Variants in ARHGEF33 observed in about 807,000 individuals in gnomAD.
ARHGEF33 encodes Rho guanine nucleotide exchange factor 33.
In ARHGEF33, 72 loss-of-function variants were observed where a neutral mutation model predicts 101.9. The ratio of observed to expected loss-of-function variants is 0.71; its 90% CI spans 0.58 to 0.86. The LOEUF is 0.86. ARHGEF33 is among the 40% of genes least tolerant of loss of function. ARHGEF33 has a pLI of 0.00. For synonymous variants in ARHGEF33, 499 were observed against 442.5 expected, an observed-to-expected ratio of 1.13 and a Z score of -1.60; for missense variants, 1,169 against 1,111.3, an observed-to-expected ratio of 1.05 and a Z score of -0.74.
At chr2:38,920,527 C>A (rs867743401) in intron 3 of ARHGEF33, among the ~76,000 whole-genome samples, 5 of 151,728 alleles carry the variant, frequency 3.3e-5, no homozygotes, top group South Asian at 4.2e-4. Flanking sequence ...CCTGCCTCAG[C>A]CTCCTGACTA....
At chr2:38,964,248 C>G (rs1050704095) in intron 16 of ARHGEF33, among the ~76,000 whole-genome samples, 6 of 152,044 alleles carry the variant, frequency 3.9e-5, no homozygotes, top group Non-Finnish European at 7.4e-5. Flanking sequence ...TGACTTTAAT[C>G]CAGAACGTAT....
At chr2:38,954,853 T>TG (rs990878237) in intron 13 of ARHGEF33, among the ~76,000 whole-genome samples, 16 of 152,158 alleles carry the variant, frequency 1.1e-4, no homozygotes, top group African/African-American at 3.9e-4. Flanking sequence ...AGGCTGGTCT[T>TG]GAACTCCTGA....
intron 2 of ARHGEF33, among the ~76,000 whole-genome samples, chr2:38,907,007 G>T (rs945788601): frequency 6.6e-6 from 1 of 152,044 alleles, no homozygotes; most frequent in Non-Finnish European, 1.5e-5. Flanking sequence ...CAATTGAGGA[G>T]AATGGCCAAA....
At chr2:38,959,656 C>T in intron 15 of ARHGEF33, 185 bp from the exon 16 acceptor site, 1 of 612,184 alleles carries the variant, frequency 1.6e-6, no homozygotes, top group Non-Finnish European at 2.8e-6. Flanking sequence ...GCTCGACGGA[C>T]TGCCTTGTCC....
intron 1 of ARHGEF33, among the ~76,000 whole-genome samples, chr2:38,895,465 CT>C (rs1311271398): frequency 6.6e-6 from 1 of 152,180 alleles, no homozygotes; most frequent in Non-Finnish European, 1.5e-5. Context: ...GCAAAGCCCC[CT>C]AAGCCATGTT....
In ARHGEF33 at chr2:38,923,429, A is replaced by G. The variant is rs1666804315; in HGVS notation, c.75+2006A>G. ...GAAGGGAGGGCACCAGAAGCAAAAT[A>G]TAATATTTTGGTAATTCTCTATCTC... On this transcript the variant is annotated intron_variant, in intron 4 of 17. Coordinates refer to ENST00000409978, the MANE Select transcript of ARHGEF33 (RefSeq NM_001145451.5). Among the ~76,000 whole-genome samples the G allele has an allele frequency of 2.0e-5, 3 of 152,328 alleles. No homozygotes were observed. The East Asian group carries it at 5.8e-4, about 29-fold the overall frequency.
At chr2:38,953,117 C>T in intron 11 of ARHGEF33, 45 bp from the exon 12 acceptor site, 1 of 866,028 alleles carries the variant, frequency 1.2e-6, no homozygotes, top group Non-Finnish European at 1.9e-6. Context: ...TATTATAGAT[C>T]CTGTTTTCAG....
At chr2:38,931,605 C>T (rs76720704) in intron 7 of ARHGEF33, among the ~76,000 whole-genome samples, 12 of 152,200 alleles carry the variant, frequency 7.9e-5, no homozygotes, top group African/African-American at 2.6e-4. Context: ...CAGTCTAACT[C>T]AGCACCTGTC....
At chr2:38,968,827 G>A (rs1382387993) in intron 17 of ARHGEF33, among the ~76,000 whole-genome samples, 2 of 152,242 alleles carry the variant, frequency 1.3e-5, no homozygotes. Flanking sequence ...ACCATCAGGT[G>A]CTTAGGGTGC....
intron 4 of ARHGEF33, among the ~76,000 whole-genome samples, chr2:38,921,979 T>C (rs925528464): frequency 6.6e-6 from 1 of 152,152 alleles, no homozygotes; most frequent in Non-Finnish European, 1.5e-5. Flanking sequence ...TTCAAGCTCT[T>C]TTTAAACAAT....
intron 2 of ARHGEF33, among the ~76,000 whole-genome samples, chr2:38,897,726 G>A (rs1666151644): frequency 6.6e-6 from 1 of 152,122 alleles, no homozygotes; most frequent in Non-Finnish European, 1.5e-5. Flanking sequence ...GTGTAGACAA[G>A]ATGCTATACC....
At chr2:38,969,372 C>T (rs988573888) in intron 17 of ARHGEF33, 1 of 168,650 alleles carries the variant, frequency 5.9e-6, no homozygotes, top group African/African-American at 2.4e-5. Context: ...GAGGCTTATT[C>T]CTGTCTACAC....
intron 15 of ARHGEF33, chr2:38,959,495 C>T (rs1002776896): frequency 1.4e-5 from 3 of 219,342 alleles, no homozygotes; most frequent in African/African-American, 6.8e-5. Flanking sequence ...CCGTATGACT[C>T]TGCTAGGGCA....
chr2:38,935,178 G>A (rs1360581502), intron 7 of ARHGEF33, among the ~76,000 whole-genome samples: 1 of 152,062 alleles, frequency 6.6e-6, no homozygotes. Flanking sequence ...GAAGTGATAG[G>A]GTCTGGTTTA....
intron 9 of ARHGEF33, among the ~76,000 whole-genome samples, chr2:38,939,081 T>G (rs987957801): frequency 6.6e-6 from 1 of 152,210 alleles, no homozygotes; most frequent in Non-Finnish European, 1.5e-5. Context: ...CAAGTGATTC[T>G]CCTGCTTCAG....
chr2:38,943,788 A>G, intron 9 of ARHGEF33, 113 bp from the exon 10 acceptor site: 2 of 1,075,208 alleles, frequency 1.9e-6, no homozygotes, highest in Non-Finnish European at 2.5e-6. Flanking sequence ...AAACTTGCAG[A>G]TGGTTTTTTT....
chr2:38,952,959 A>T (rs976715982), intron 11 of ARHGEF33, among the ~76,000 whole-genome samples: 1 of 152,184 alleles, frequency 6.6e-6, no homozygotes, highest in African/African-American at 2.4e-5. Flanking sequence ...TTGGCCTCCC[A>T]AAGTGCTAGG....
intron 2 of ARHGEF33, among the ~76,000 whole-genome samples, chr2:38,902,794 A>G (rs11681583): frequency 0.28 from 43,218 of 152,070 alleles, 6,573 homozygotes; most frequent in Non-Finnish European, 0.34. Flanking sequence ...CAAGATGGTC[A>G]ATGAGCAAAG....
intron 11 of ARHGEF33, among the ~76,000 whole-genome samples, chr2:38,951,609 TA>T (rs944989000): frequency 3.8e-4 from 57 of 149,844 alleles, no homozygotes; most frequent in Non-Finnish European, 2.2e-4. Flanking sequence ...TTTATTAAAT[TA>T]AAAAAAAAGT....
Sources: allele counts gnomAD v4.1 joint callset (sites outside exome capture counted in the v4.1 genomes callset), GRCh38; gene constraint gnomAD v4.1.1; transcripts MANE v1.5; gene names NCBI Gene and HGNC (gene_info 2026-07-23, HGNC 2026-07-21).